DTWD2: variants seen among roughly 807,000 people sequenced by gnomAD.
DTWD2 encodes DTW motif tRNA-uridine aminocarboxypropyltransferase 2, also known as tRNA-uridine aminocarboxypropyltransferase 2.
Under a neutral mutation model 31.8 loss-of-function variants are expected in DTWD2, and 39 were observed. The ratio of observed to expected loss-of-function variants is 1.22; its 90% CI spans 0.95 to 1.60. The LOEUF is 1.60. Among genes scored for constraint, DTWD2 ranks in the 40% most tolerant of loss-of-function variants. DTWD2 has a pLI of 0.00. For missense variants in DTWD2, 515 were observed against 381.5 expected (o/e 1.35, Z -2.92); for synonymous variants, 180 against 142.8 (o/e 1.26, Z -1.86).
chr5:118,985,535 T>A (rs1352119810), intron 1 of DTWD2, among the ~76,000 whole-genome samples: 2 of 115,482 alleles, frequency 1.7e-5, no homozygotes, highest in East Asian at 5.8e-4. Flanking sequence ...CATATATACA[T>A]ACATATACAC....
chr5:118,959,707 C>A (rs959942157), intron 1 of DTWD2, among the ~76,000 whole-genome samples: 1 of 152,174 alleles, frequency 6.6e-6, no homozygotes, highest in African/African-American at 2.4e-5. Context: ...TCAAACTATA[C>A]TATAATGCTA....
chr5:118,973,711 C>G, intron 1 of DTWD2: 1 of 1,532,940 alleles, frequency 6.5e-7, no homozygotes, highest in Non-Finnish European at 8.9e-7. Flanking sequence ...TCCGCCGCCG[C>G]GGACTCCGGC....
At chr5:118,965,254 G>C (rs927267775) in intron 1 of DTWD2, among the ~76,000 whole-genome samples, 2 of 150,826 alleles carry the variant, frequency 1.3e-5, no homozygotes, top group Admixed American at 6.6e-5. Context: ...CAGCCGCCCC[G>C]TCCGGGAGGT....
chr5:118,926,683 C>T (rs1048593404), intron 4 of DTWD2, among the ~76,000 whole-genome samples: 6 of 152,228 alleles, frequency 3.9e-5, no homozygotes, highest in Middle Eastern at 3.4e-3. Context: ...GCATCCATCT[C>T]GCCCCTTTTG....
chr5:118,924,389 T>A (rs1001644813), intron 4 of DTWD2, among the ~76,000 whole-genome samples: 1 of 152,204 alleles, frequency 6.6e-6, no homozygotes, highest in Non-Finnish European at 1.5e-5. Context: ...CTACTCACTC[T>A]GAACCTCACC....
intron 4 of DTWD2, among the ~76,000 whole-genome samples, chr5:118,918,796 T>C (rs1183742218): frequency 6.7e-6 from 1 of 148,406 alleles, no homozygotes; most frequent in Admixed American, 6.8e-5. Context: ...AAGACCAGCC[T>C]GGGCAACGTG....
At chr5:118,958,460 AAACAACAAC>A (rs372346156) in intron 1 of DTWD2, among the ~76,000 whole-genome samples, 62 of 151,440 alleles carry the variant, frequency 4.1e-4, no homozygotes, top group Admixed American at 7.2e-4. Flanking sequence ...TCCGTCTGAA[AAACAACAAC>A]AACAACAACA....
At chr5:118,953,452 A>G (rs983174861) in intron 1 of DTWD2, among the ~76,000 whole-genome samples, 33 of 152,170 alleles carry the variant, frequency 2.2e-4, no homozygotes, top group African/African-American at 8.0e-4. Flanking sequence ...CTGCATGAAA[A>G]TTTGACCTTC....
In DTWD2 at chr5:118,981,129, T is replaced by C. The variant is rs1033167096; in HGVS notation, c.218+7165A>G. On this transcript the variant is annotated intron_variant, in intron 1 of 5. Coordinates refer to ENST00000510708, the MANE Select transcript of DTWD2 (RefSeq NM_173666.4). ...AGACAAATATATGATTCCACTTAAA[T>C]CTAGAATAAGTAAATTCATAGAAAC... Among the ~76,000 whole-genome samples the C allele has an allele frequency of 2.6e-5, 4 of 152,088 alleles. 1 individual carries two copies. Among genetic ancestry groups the C allele is most frequent in the African/African-American group, 9.7e-5 (4 of 41,398 alleles).
chr5:118,852,798 T>C (rs571390680), intron 4 of DTWD2, among the ~76,000 whole-genome samples: 8 of 152,198 alleles, frequency 5.3e-5, no homozygotes, highest in African/African-American at 1.9e-4. Flanking sequence ...GCAGCACTAT[T>C]CACAATAGCA....
chr5:118,857,422 T>C (rs914112613), intron 4 of DTWD2, among the ~76,000 whole-genome samples: 10 of 152,200 alleles, frequency 6.6e-5, no homozygotes, highest in African/African-American at 1.2e-4. Flanking sequence ...TAATGACAAA[T>C]GCTATTAAGA....
chr5:118,985,832 G>A (rs1342421231), intron 1 of DTWD2, among the ~76,000 whole-genome samples: 2 of 151,958 alleles, frequency 1.3e-5, no homozygotes, highest in Non-Finnish European at 2.9e-5. Flanking sequence ...ACTTTTTGCT[G>A]TTTTCTTCAG....
chr5:118,979,902 A>G (rs193224016), intron 1 of DTWD2, among the ~76,000 whole-genome samples: 1 of 152,378 alleles, frequency 6.6e-6, no homozygotes, highest in African/African-American at 2.4e-5. Flanking sequence ...TGCTGGGCTT[A>G]ATACCTAGGG....
intron 1 of DTWD2, among the ~76,000 whole-genome samples, chr5:118,953,425 A>G (rs1347866441): frequency 6.6e-6 from 1 of 152,236 alleles, no homozygotes; most frequent in Non-Finnish European, 1.5e-5. Context: ...AAAATGGCTT[A>G]CCCAAAACCC....
In DTWD2 at chr5:118,836,320, A is replaced by G. The variant is rs1189083055; in HGVS notation, c.*4597T>C. On this transcript the variant is annotated 3_prime_UTR_variant, in exon 6 of 6. Transcript: ENST00000510708. ...CAGTGGTACATCTCAGCTCACTGCAACCTCTGCCTCCCAGGTTCAAGCAAT... is the reference window on the plus strand; with the variant it reads ...CAGTGGTACATCTCAGCTCACTGCAGCCTCTGCCTCCCAGGTTCAAGCAAT... Among the ~76,000 whole-genome samples, 1 of 152,040 alleles carries G rather than the reference A, an allele frequency of 6.6e-6. No homozygotes were observed. The highest frequency in any genetic ancestry group is 1.5e-5 in the Non-Finnish European group (1 of 68,008).
At chr5:118,964,986 C>T (rs1216821877) in intron 1 of DTWD2, among the ~76,000 whole-genome samples, 86 of 148,738 alleles carry the variant, frequency 5.8e-4, no homozygotes, top group African/African-American at 2.0e-3. Flanking sequence ...ATCCCATCTA[C>T]GAAGTGAGGA....
At chr5:118,955,164 A>G (rs1281192603) in intron 1 of DTWD2, among the ~76,000 whole-genome samples, 1 of 152,246 alleles carries the variant, frequency 6.6e-6, no homozygotes, top group Non-Finnish European at 1.5e-5. Flanking sequence ...ATGATTTTAT[A>G]TGCTCACAAA....
At chr5:118,873,162 G>C (rs1313310514) in intron 4 of DTWD2, among the ~76,000 whole-genome samples, 1 of 152,216 alleles carries the variant, frequency 6.6e-6, no homozygotes, top group Non-Finnish European at 1.5e-5. Context: ...AAGCTGCTTA[G>C]AGAACCCAGA....
intron 5 of DTWD2, among the ~76,000 whole-genome samples, chr5:118,844,281 A>G (rs959062613): frequency 1.3e-5 from 2 of 152,250 alleles, no homozygotes; most frequent in Non-Finnish European, 2.9e-5. Context: ...AGGTTATAGC[A>G]GGAGGTTTTG....
Sources: gnomAD v4.1 joint callset for allele counts (sites outside exome capture counted in the v4.1 genomes callset) on GRCh38, gnomAD v4.1.1 for gene constraint, MANE v1.5 for transcripts, NCBI Gene and HGNC (gene_info 2026-07-23, HGNC 2026-07-21) for gene names.